PARD3B: variants seen among roughly 807,000 people sequenced by gnomAD.
The protein encoded by PARD3B is par-3 family cell polarity regulator beta.
In PARD3B, 103 loss-of-function variants were observed where a neutral mutation model predicts 130.2. The ratio of observed to expected loss-of-function variants is 0.79; its 90% CI spans 0.67 to 0.93. The LOEUF (loss-of-function observed/expected upper bound fraction) is 0.93, where lower values mean the gene tolerates loss of function less well. Ranked by LOEUF, PARD3B falls within the 40% of genes least tolerant of loss-of-function variation. PARD3B has a pLI of 0.00. For missense variants in PARD3B, 1,609 were observed against 1,499.2 expected, an observed-to-expected ratio of 1.07 and a Z score of -1.21; for synonymous variants, 583 against 553.2, an observed-to-expected ratio of 1.05 and a Z score of -0.76.
chr2:204,762,755 CTTTTTCT>C (rs369211465), intron 2 of PARD3B, among the ~76,000 whole-genome samples: 64,035 of 124,256 alleles, frequency 0.52, 18,286 homozygotes, highest in Non-Finnish European at 0.66. Flanking sequence ...TTTTCTTTTT[CTTTTTCT>C]TTTTTTTTTT....
In PARD3B at chr2:205,615,635, C is replaced by CAGCT; in HGVS notation, c.3441_3444dup (p.Pro1149SerfsTer109). On this transcript the variant is annotated frameshift_variant, in exon 23 of 23. Coordinates refer to ENST00000406610, the MANE Select transcript of PARD3B (RefSeq NM_001302769.2). LOFTEE classifies it high-confidence loss of function. ...TATCCTCAGCACTACCCACCCCCGC[C>CAGCT]AGCTCCCCAGCACAAAGGACCCTTT... is the stretch of plus-strand genomic sequence containing the variant. 2 of 1,614,122 alleles carry CAGCT rather than the reference C, an allele frequency of 1.2e-6. No individual in the cohort carries two copies. The highest frequency in any genetic ancestry group is 1.7e-6 in the Non-Finnish European group (2 of 1,180,028).
At chr2:205,042,891 C>A (rs201709444) in intron 3 of PARD3B, among the ~76,000 whole-genome samples, 11 of 144,072 alleles carry the variant, frequency 7.6e-5, no homozygotes, top group Admixed American at 1.4e-4. Context: ...AAAAAAAAAA[C>A]CCAGCAAGCA....
At chr2:204,840,216 T>G (rs1183999648) in intron 2 of PARD3B, among the ~76,000 whole-genome samples, 2 of 152,126 alleles carry the variant, frequency 1.3e-5, no homozygotes, top group Non-Finnish European at 2.9e-5. Flanking sequence ...AGATTAAGGG[T>G]GAAGCAAGTT....
At chr2:204,554,759 A>C (rs1050759812) in intron 1 of PARD3B, among the ~76,000 whole-genome samples, 1 of 152,014 alleles carries the variant, frequency 6.6e-6, no homozygotes, top group African/African-American at 2.4e-5. Flanking sequence ...AATGGTGCAC[A>C]TCTCTCCTAA....
At chr2:205,206,077 G>A (rs913750089) in intron 15 of PARD3B, among the ~76,000 whole-genome samples, 1 of 152,062 alleles carries the variant, frequency 6.6e-6, no homozygotes, top group African/African-American at 2.4e-5. Context: ...GTCTGGTCCT[G>A]GGCTTTTTTT....
At chr2:204,843,974 A>G (rs1017428863) in intron 2 of PARD3B, among the ~76,000 whole-genome samples, 3 of 152,152 alleles carry the variant, frequency 2.0e-5, no homozygotes, top group Non-Finnish European at 4.4e-5. Flanking sequence ...GACTTTGCTT[A>G]TGAGTAATGG....
Position 205,071,840 on chromosome 2 carries a change from G to A in PARD3B, c.504+24150G>A, listed in dbSNP as rs74650028. Among the ~76,000 whole-genome samples, 1,291 of 151,584 alleles carry A rather than the reference G, an allele frequency of 8.5e-3. 44 individuals are homozygous for A. In the East Asian group the frequency reaches 0.1, roughly 12 times the overall value. ...TTTTACACACTCTCTCTAATTGTTG[G>A]TACTCTCACATTGCTGTCTATAGAT... is the stretch of plus-strand genomic sequence containing the variant. On this transcript the variant is annotated intron_variant, in intron 4 of 22. Coordinates refer to ENST00000406610, the MANE Select transcript of PARD3B (RefSeq NM_001302769.2).
intron 2 of PARD3B, among the ~76,000 whole-genome samples, chr2:204,825,086 A>G (rs1011664850): frequency 2.0e-5 from 3 of 152,316 alleles, no homozygotes; most frequent in East Asian, 1.9e-4. Context: ...GCAAACAGTC[A>G]TTGTCCAAGT....
chr2:205,095,895 A>G (rs1159661144), intron 4 of PARD3B, among the ~76,000 whole-genome samples: 1 of 152,166 alleles, frequency 6.6e-6, no homozygotes, highest in Non-Finnish European at 1.5e-5. Flanking sequence ...AACTGTGCTG[A>G]TTATTAGCAA....
At chr2:205,499,330 AACTTT>A (rs993694517) in intron 20 of PARD3B, among the ~76,000 whole-genome samples, 5 of 151,700 alleles carry the variant, frequency 3.3e-5, no homozygotes, top group Admixed American at 2.6e-4. Flanking sequence ...AAAAAAAAAA[AACTTT>A]CTTACTGTTT....
At position 205,558,890 on chromosome 2, in the gene PARD3B, G is replaced by A. The variant is rs1356756120; in HGVS notation, c.3260+5487G>A. 6.6e-6 allele frequency among the ~76,000 whole-genome samples: 1 copy of A among 151,986 alleles called. No individual in the cohort carries two copies. The highest frequency in any genetic ancestry group is 2.4e-5 in the African/African-American group (1 of 41,368). ...AGCATTTACTTAGCACCTTCCCAGTGCCCTAAAAACACCCTGAATTGGATT... is the reference window on the plus strand; with the variant it reads ...AGCATTTACTTAGCACCTTCCCAGTACCCTAAAAACACCCTGAATTGGATT... On this transcript the variant is annotated intron_variant, in intron 22 of 22. Coordinates refer to ENST00000406610, the MANE Select transcript of PARD3B (RefSeq NM_001302769.2). This position sits in a 1 kb window ranked among gnomAD's most constrained non-coding sequence, Gnocchi z 4.8.
intron 2 of PARD3B, among the ~76,000 whole-genome samples, chr2:204,930,720 TATATTC>T (rs1181302338): frequency 6.6e-6 from 1 of 152,078 alleles, no homozygotes; most frequent in Non-Finnish European, 1.5e-5. Context: ...AACCATTTAC[TATATTC>T]ATCTTTTTCT....
At chr2:205,544,791 A>G (rs887590152) in intron 21 of PARD3B, among the ~76,000 whole-genome samples, 5 of 152,200 alleles carry the variant, frequency 3.3e-5, no homozygotes, top group African/African-American at 9.6e-5. Flanking sequence ...CACAGTTACT[A>G]TATTAATGAG....
intron 18 of PARD3B, among the ~76,000 whole-genome samples, chr2:205,371,183 G>A (rs548923454): frequency 2.0e-5 from 3 of 152,194 alleles, no homozygotes; most frequent in East Asian, 3.9e-4. Context: ...TTGTTGTTTC[G>A]AGAGAGAAAT....
At chr2:205,548,845 G>T (rs2052491874) in intron 21 of PARD3B, among the ~76,000 whole-genome samples, 2 of 152,028 alleles carry the variant, frequency 1.3e-5, no homozygotes, top group Admixed American at 6.6e-5. Flanking sequence ...GCTACAGATT[G>T]GGAGAAAAAC....
At chr2:205,262,054 G>A (rs1483944798) in intron 16 of PARD3B, among the ~76,000 whole-genome samples, 2 of 152,064 alleles carry the variant, frequency 1.3e-5, no homozygotes, top group African/African-American at 4.8e-5. Context: ...ATGATTTTTG[G>A]CTTTTCATCT....
intron 16 of PARD3B, among the ~76,000 whole-genome samples, chr2:205,248,096 C>CTTTTAT (rs1281440728): frequency 2.0e-5 from 3 of 151,810 alleles, no homozygotes; most frequent in African/African-American, 7.3e-5. Flanking sequence ...GCCCAGCTAA[C>CTTTTAT]TTTTATTTTT....
intron 21 of PARD3B, among the ~76,000 whole-genome samples, chr2:205,537,673 C>T (rs1374079606): frequency 2.6e-5 from 4 of 152,182 alleles, no homozygotes; most frequent in Non-Finnish European, 5.9e-5. Flanking sequence ...TCTCTACCTG[C>T]GCACACAACC....
chr2:204,966,812 CAG>C (rs1314276615), intron 3 of PARD3B, among the ~76,000 whole-genome samples: 2 of 152,098 alleles, frequency 1.3e-5, no homozygotes, highest in Non-Finnish European at 1.5e-5. Context: ...TTTGATAAGT[CAG>C]AGAAAACAAT....
Sources: allele counts gnomAD v4.1 joint callset (sites outside exome capture counted in the v4.1 genomes callset), GRCh38; gene constraint gnomAD v4.1.1; non-coding constraint Gnocchi (gnomAD v3.1); transcripts MANE v1.5; gene names NCBI Gene and HGNC (gene_info 2026-07-23, HGNC 2026-07-21).